The following PPP3R1 variants were observed in gnomAD, a reference collection of about 807,000 sequenced individuals.
PPP3R1 encodes the protein protein phosphatase 3 regulatory subunit B, alpha.
Under a neutral mutation model 22.6 loss-of-function variants are expected in PPP3R1, and 5 were observed. The ratio of observed to expected loss-of-function variants is 0.22; its 90% CI spans 0.12 to 0.46. The LOEUF is 0.46. Ranked by LOEUF, PPP3R1 falls within the 20% of genes least tolerant of loss-of-function variation. The pLI is 0.99. For synonymous variants in PPP3R1, 56 were observed against 65.2 expected (o/e 0.86, Z 0.68); for missense variants, 61 against 203.2 (o/e 0.30, Z 4.25).
Position 68,214,576 on chromosome 2 carries a change from T to C in PPP3R1, c.43+2516A>G, listed in dbSNP as rs531429681. Among the ~76,000 whole-genome samples, 4 of 152,218 alleles carry C rather than the reference T, an allele frequency of 2.6e-5. No individual in the cohort carries two copies. The South Asian group carries it at 8.3e-4, about 32-fold the overall frequency. The stretch of plus-strand genomic sequence containing the variant: ...AGAGAAATGCAAATCAAAACCACAA[T>C]TAGATACTGTCTCACACCAGTCAGA... On this transcript the variant is annotated intron_variant, in intron 2 of 5. Transcript: ENST00000234310.
chr2:68,207,280 T>C (rs1675149426), intron 2 of PPP3R1, among the ~76,000 whole-genome samples: 1 of 147,050 alleles, frequency 6.8e-6, no homozygotes, highest in South Asian at 2.1e-4. Context: ...AAGAACTACA[T>C]AACAGACAAA....
At chr2:68,217,251 C>T (rs2103771574) in intron 1 of PPP3R1, 120 bp from the exon 2 acceptor site, 1 of 576,684 alleles carries the variant, frequency 1.7e-6, no homozygotes, top group Admixed American at 3.2e-5. Context: ...ATAATATGAC[C>T]ACATATATAA....
chr2:68,192,065 C>T lies in PPP3R1; in HGVS notation c.44-3375G>A, dbSNP rs182432134. On this transcript the variant is annotated intron_variant, in intron 2 of 5. Transcript: ENST00000234310. ...ATGTTTTAAGTATTAATAAGTATTT[C>T]AAATGTAAAACTTATTGATTAAAAT... 2.4e-3 allele frequency among the ~76,000 whole-genome samples: 362 copies of T among 152,188 alleles called. 2 individuals are homozygous for T. Among genetic ancestry groups the T allele is most frequent in the African/African-American group, 8.1e-3 (337 of 41,526 alleles).
At chr2:68,218,176 T>C (rs533698239) in intron 1 of PPP3R1, among the ~76,000 whole-genome samples, 47 of 148,842 alleles carry the variant, frequency 3.2e-4, no homozygotes, top group Non-Finnish European at 5.9e-4. Context: ...AAGTATACAG[T>C]TGCTATTAAT....
At position 68,188,559 on chromosome 2, in the gene PPP3R1, T is replaced by C; in HGVS notation, c.175A>G (p.Ile59Val). The change falls in exon 3 of 6, where the codon ATA (isoleucine) becomes GTA (valine). Residue 59 changes from isoleucine to valine, a missense_variant. Physicochemically the swap from Ile to Val is conservative, Grantham distance 29 (BLOSUM62 3). Coordinates refer to ENST00000234310, the MANE Select transcript of PPP3R1 (RefSeq NM_000945.4). ...LQQNPLVQRV[I>V]DIFDTDGNGE... ...TTCCCATCTGTGTCGAATATATCTA[T>C]TACTCGCTGTACTAAAGGATTCTGT... The C allele has an allele frequency of 6.2e-7, 1 of 1,612,584 alleles. No individual in the cohort carries two copies. Among genetic ancestry groups the C allele is most frequent in the Non-Finnish European group, 8.5e-7 (1 of 1,179,238 alleles).
intron 2 of PPP3R1, among the ~76,000 whole-genome samples, chr2:68,210,450 A>T (rs1273466060): frequency 5.3e-5 from 8 of 152,226 alleles, no homozygotes; most frequent in Admixed American, 2.6e-4. Flanking sequence ...GCCTTCAATA[A>T]GAACTTTATT....
At chr2:68,201,098 TTC>T (rs1395676824) in intron 2 of PPP3R1, among the ~76,000 whole-genome samples, 1 of 152,166 alleles carries the variant, frequency 6.6e-6, no homozygotes, top group Non-Finnish European at 1.5e-5. Flanking sequence ...CCTAAAGCAT[TTC>T]TTTTTTCTAT....
chr2:68,251,561 C>G (rs1670353031), intron 1 of PPP3R1, among the ~76,000 whole-genome samples: 1 of 152,284 alleles, frequency 6.6e-6, no homozygotes, highest in South Asian at 2.1e-4. Flanking sequence ...CCGACGCTCG[C>G]AGGAGAGGGG....
intron 1 of PPP3R1, among the ~76,000 whole-genome samples, chr2:68,242,008 T>G (rs1670146787): frequency 6.6e-6 from 1 of 152,252 alleles, no homozygotes; most frequent in African/African-American, 2.4e-5. Context: ...TATTGTGTAC[T>G]CGTAGATATT....
Position 68,252,216 on chromosome 2 carries a change from C to T in PPP3R1, c.-89G>A. 2 of 1,203,552 alleles carry T rather than the reference C, an allele frequency of 1.7e-6. No individual in the cohort carries two copies. The highest frequency in any genetic ancestry group is 2.1e-6 in the Non-Finnish European group (2 of 946,444). 74.6% of individuals were successfully genotyped at this position (1,203,552 alleles called of 1,614,324 possible). On this transcript the variant is annotated 5_prime_UTR_variant, in exon 1 of 6. Coordinates refer to ENST00000234310, the MANE Select transcript of PPP3R1 (RefSeq NM_000945.4). ...CTCGCAGGAAACGGCGGCGGCGGCC[C>T]AGCTGCGGCCCTCGGGTCGCCGGCG...
chr2:68,227,410 T>C (rs1226514112), intron 1 of PPP3R1, among the ~76,000 whole-genome samples: 2 of 152,064 alleles, frequency 1.3e-5, no homozygotes, highest in Admixed American at 6.5e-5. Context: ...GTAAAGTCAC[T>C]GACCATCTTA....
At chr2:68,203,329 C>A (rs1261571442) in intron 2 of PPP3R1, among the ~76,000 whole-genome samples, 1 of 152,232 alleles carries the variant, frequency 6.6e-6, no homozygotes, top group Non-Finnish European at 1.5e-5. Flanking sequence ...GGGCCAGGCA[C>A]AGTGGCTCAC....
intron 1 of PPP3R1, among the ~76,000 whole-genome samples, chr2:68,226,996 T>C (rs531484569): frequency 6.6e-6 from 1 of 152,136 alleles, no homozygotes; most frequent in South Asian, 2.1e-4. Context: ...TCACAAAGAG[T>C]CTATAACCAA....
At chr2:68,188,846 AAG>A (rs1674603178) in intron 2 of PPP3R1, among the ~76,000 whole-genome samples, 156 bp from the exon 3 acceptor site, 2 of 152,204 alleles carry the variant, frequency 1.3e-5, no homozygotes, top group South Asian at 4.1e-4. Flanking sequence ...ATTTGATAAA[AAG>A]AGGTATATAT....
intron 1 of PPP3R1, among the ~76,000 whole-genome samples, chr2:68,246,702 T>C (rs906770737): frequency 4.6e-5 from 7 of 152,200 alleles, no homozygotes; most frequent in African/African-American, 1.4e-4. Context: ...AATGACAAAC[T>C]TCACAGGCTC....
intron 1 of PPP3R1, among the ~76,000 whole-genome samples, chr2:68,246,747 T>A (rs1190454931): frequency 6.6e-6 from 1 of 152,190 alleles, no homozygotes; most frequent in East Asian, 1.9e-4. Context: ...ATGCACCATC[T>A]TTAGAGTTCA....
intron 1 of PPP3R1, among the ~76,000 whole-genome samples, chr2:68,232,124 T>TACACACACACACGC (rs1669918724): frequency 1.0e-5 from 1 of 97,990 alleles, no homozygotes; most frequent in Admixed American, 1.2e-4. Context: ...TATATATATA[T>TACACACACACACGC]ACACACACAC....
chr2:68,235,232 C>G (rs1669996953), intron 1 of PPP3R1, among the ~76,000 whole-genome samples: 1 of 152,086 alleles, frequency 6.6e-6, no homozygotes, highest in African/African-American at 2.4e-5. Context: ...AATTTATATA[C>G]CACACAAACC....
chr2:68,244,825 C>T (rs894105323), intron 1 of PPP3R1, among the ~76,000 whole-genome samples: 8 of 152,006 alleles, frequency 5.3e-5, no homozygotes, highest in South Asian at 4.1e-4. Context: ...CTTTATTCCA[C>T]TTCACATACT....
Sources: allele counts gnomAD v4.1 joint callset (sites outside exome capture counted in the v4.1 genomes callset), GRCh38; gene constraint gnomAD v4.1.1; transcripts MANE v1.5; gene names NCBI Gene and HGNC (gene_info 2026-07-23, HGNC 2026-07-21).